Variants in RORA observed in about 807,000 individuals in gnomAD.
RORA encodes the protein RAR related orphan receptor A.
In RORA, 7 loss-of-function variants were observed where a neutral mutation model predicts 69.5. The observed-to-expected ratio is 0.10, with a 90% confidence interval of 0.06 to 0.19. The LOEUF (loss-of-function observed/expected upper bound fraction) is 0.19. Among genes scored for constraint, RORA ranks in the 10% least tolerant of loss-of-function variants. RORA has a pLI of 1.00. For synonymous variants in RORA, 261 were observed against 240.8 expected, an observed-to-expected ratio of 1.08 and a Z score of -0.78; for missense variants, 457 against 663.0, an observed-to-expected ratio of 0.69 and a Z score of 3.41.
chr15:60,864,385 TTTGAAAAATGTTA>T (rs1269384253), intron 1 of RORA, among the ~76,000 whole-genome samples: 1 of 152,246 alleles, frequency 6.6e-6, no homozygotes, highest in East Asian at 1.9e-4. Context: ...AGTGTCACAT[TTTGAAAAATGTTA>T]TTTTATTGGC....
chr15:60,525,103 A>T (rs1292072879), intron 3 of RORA, among the ~76,000 whole-genome samples: 3 of 152,236 alleles, frequency 2.0e-5, no homozygotes, highest in Non-Finnish European at 4.4e-5. Flanking sequence ...CAAACACGCA[A>T]AAAAACACTT....
chr15:60,946,298 G>A (rs1892870282), intron 1 of RORA, among the ~76,000 whole-genome samples: 1 of 152,156 alleles, frequency 6.6e-6, no homozygotes, highest in African/African-American at 2.4e-5. Context: ...TCTCTTTCCA[G>A]GGTCTCCCTC....
chr15:61,170,046 T>TAGCTGTGTGACCCAAGGTG (rs1461708303), intron 1 of RORA, among the ~76,000 whole-genome samples: 1 of 152,206 alleles, frequency 6.6e-6, no homozygotes, highest in Non-Finnish European at 1.5e-5. Flanking sequence ...CACTGCCTCC[T>TAGCTGTGTGACCCAAGGTG]AGCTGTGTGA....
At chr15:60,609,691 T>C (rs1404168086) in intron 2 of RORA, among the ~76,000 whole-genome samples, 1 of 152,164 alleles carries the variant, frequency 6.6e-6, no homozygotes, top group African/African-American at 2.4e-5. Flanking sequence ...AATGAAATCA[T>C]GATACACGAA....
Position 60,503,584 on chromosome 15 carries a change from A to G in RORA, c.1026T>C (p.Asp342=), listed in dbSNP as rs761914087. The part of the protein sequence containing the change: ...QYVVEFAKRI[D]GFMELCQNDQ... ...CATTTTGACACAGTTCCATAAATCC[A>G]TCAATGCGTTTGGCAAACTCCACCA... Residue 342 remains aspartate (D), a synonymous_variant, in exon 7 of 11, where the codon GAT becomes GAC. Transcript: ENST00000335670. 2 of 1,614,164 alleles carry G rather than the reference A, an allele frequency of 1.2e-6. No individual in the cohort carries two copies. Among genetic ancestry groups the G allele is most frequent in the South Asian group, 2.2e-5 (2 of 91,080 alleles).
At chr15:60,594,807 A>G (rs895749874) in intron 2 of RORA, among the ~76,000 whole-genome samples, 3 of 152,228 alleles carry the variant, frequency 2.0e-5, no homozygotes, top group African/African-American at 7.2e-5. Flanking sequence ...CAACAAAGAC[A>G]TTTCCAGAAT....
chr15:61,155,227 ATG>A (rs1596032315), intron 1 of RORA, among the ~76,000 whole-genome samples: 1 of 152,198 alleles, frequency 6.6e-6, no homozygotes, highest in Non-Finnish European at 1.5e-5. Flanking sequence ...TATGTACATT[ATG>A]TGTCACCTAT....
chr15:61,166,461 A>C (rs2079540488), intron 1 of RORA, among the ~76,000 whole-genome samples: 1 of 152,196 alleles, frequency 6.6e-6, no homozygotes, highest in Non-Finnish European at 1.5e-5. Context: ...ACAGAAGAAA[A>C]GGGATGAGGC....
At chr15:60,991,512 A>G (rs1444017536) in intron 1 of RORA, among the ~76,000 whole-genome samples, 2 of 152,168 alleles carry the variant, frequency 1.3e-5, no homozygotes, top group Admixed American at 1.3e-4. Context: ...GTGTCTTAAT[A>G]ACAATAATTC....
intron 1 of RORA, among the ~76,000 whole-genome samples, chr15:61,180,143 CAAAAAAAA>C (rs71456351): frequency 4.1e-3 from 150 of 36,684 alleles, no homozygotes; most frequent in Non-Finnish European, 7.1e-3. Flanking sequence ...GACTCCATCT[CAAAAAAAA>C]AAAAAAAAAA....
chr15:60,610,772 G>A (rs900499199), intron 2 of RORA, among the ~76,000 whole-genome samples: 1 of 152,166 alleles, frequency 6.6e-6, no homozygotes, highest in African/African-American at 2.4e-5. Context: ...AAAAGGATCA[G>A]AGAGGCTCTT....
intron 1 of RORA, among the ~76,000 whole-genome samples, chr15:60,940,191 G>C (rs529960788): frequency 6.6e-6 from 1 of 152,246 alleles, no homozygotes; most frequent in South Asian, 2.1e-4. Flanking sequence ...CACAAGATTA[G>C]ATCACTGAAA....
chr15:60,960,102 G>A (rs1391583242), intron 1 of RORA, among the ~76,000 whole-genome samples: 2 of 152,152 alleles, frequency 1.3e-5, no homozygotes. Context: ...TAGGATATGA[G>A]GTTCTGGACA....
At position 60,778,300 on chromosome 15, in the gene RORA, A is replaced by ATTT. The variant is rs35668786; in HGVS notation, c.167-99617_167-99615dup. 7.8e-4 allele frequency among the ~76,000 whole-genome samples: 116 copies of ATTT among 148,900 alleles called. 1 individual carries two copies. Among genetic ancestry groups the ATTT allele is most frequent in the African/African-American group, 2.7e-3 (108 of 40,598 alleles). Reference sequence around the variant, plus strand: ...TCTCTAAAGGGATTAGGTTATTGTGATTTTTTTTTTCCCATGCAAAAGGAC... The same window carrying ATTT: ...TCTCTAAAGGGATTAGGTTATTGTGATTTTTTTTTTTTTCCCATGCAAAAGGAC... On this transcript the variant is annotated intron_variant, in intron 1 of 10. Coordinates refer to ENST00000335670, the MANE Select transcript of RORA (RefSeq NM_134261.3).
intron 2 of RORA, among the ~76,000 whole-genome samples, chr15:60,585,821 T>C (rs1397109835): frequency 6.6e-6 from 1 of 151,866 alleles, no homozygotes; most frequent in African/African-American, 2.4e-5. Context: ...ACATTTCTGA[T>C]AACCATGAAG....
intron 6 of RORA, among the ~76,000 whole-genome samples, chr15:60,504,459 A>G (rs1026784389): frequency 6.6e-6 from 1 of 152,088 alleles, no homozygotes; most frequent in Admixed American, 6.5e-5. Flanking sequence ...AGGCAGAAGA[A>G]TTACTTGAAC....
At chr15:60,562,660 A>C (rs1306828413) in intron 2 of RORA, among the ~76,000 whole-genome samples, 1 of 146,350 alleles carries the variant, frequency 6.8e-6, no homozygotes, top group African/African-American at 2.5e-5. Context: ...GTTAGCCAGG[A>C]TGGTCTCGAT....
At chr15:61,037,338 C>T (rs1896506751) in intron 1 of RORA, among the ~76,000 whole-genome samples, 1 of 152,166 alleles carries the variant, frequency 6.6e-6, no homozygotes, top group South Asian at 2.1e-4. Context: ...TCCAACCAAA[C>T]CAATGAATGA....
At chr15:60,584,276 C>G (rs1377601979) in intron 2 of RORA, among the ~76,000 whole-genome samples, 2 of 152,218 alleles carry the variant, frequency 1.3e-5, no homozygotes, top group Non-Finnish European at 2.9e-5. Context: ...GGGTTCTACT[C>G]TACAGTTTCA....
Sources: allele counts gnomAD v4.1 joint callset (sites outside exome capture counted in the v4.1 genomes callset), GRCh38; gene constraint gnomAD v4.1.1; transcripts MANE v1.5; gene names NCBI Gene and HGNC (gene_info 2026-07-23, HGNC 2026-07-21).